Variants in MYO10 observed in about 807,000 individuals in gnomAD.
The protein encoded by MYO10 is myosin X, also known as unconventional myosin-X.
MYO10 carries 133 observed loss-of-function variants against 257.3 expected under a neutral mutation model. That is an observed-to-expected ratio of 0.52 (90% CI 0.45 to 0.60). MYO10 has a LOEUF of 0.60. MYO10 is among the 20% of genes least tolerant of loss of function. MYO10 has a pLI of 0.00. For synonymous variants in MYO10, 1,104 were observed against 1,028.6 expected, an observed-to-expected ratio of 1.07 and a Z score of -1.40; for missense variants, 2,399 against 2,635.7, an observed-to-expected ratio of 0.91 and a Z score of 1.97.
intron 2 of MYO10, among the ~76,000 whole-genome samples, chr5:16,841,067 C>T (rs1039553984): frequency 6.6e-6 from 1 of 151,554 alleles, no homozygotes; most frequent in Non-Finnish European, 1.5e-5. Context: ...ATCGCTAGAA[C>T]CTGGAAAGCG....
chr5:16,684,534 G>A (rs189407404), intron 29 of MYO10, among the ~76,000 whole-genome samples: 168 of 152,314 alleles, frequency 1.1e-3, no homozygotes, highest in Non-Finnish European at 1.6e-3. Context: ...CTGAGCTTCC[G>A]CACCTGGCCC....
chr5:16,676,220 A>G lies in MYO10; in HGVS notation c.4543-66T>C, dbSNP rs1185325864. 106 of 1,576,470 alleles carry G rather than the reference A, an allele frequency of 6.7e-5. 1 individual carries two copies. Among genetic ancestry groups the G allele is most frequent in the Non-Finnish European group, 1.0e-5 (12 of 1,161,726 alleles). On this transcript the variant is annotated intron_variant, in intron 33 of 40. Coordinates refer to ENST00000513610, the MANE Select transcript of MYO10 (RefSeq NM_012334.3). ...TTTTCCTACATATAAATATTTTTCA[A>G]GACTCTCAAATATCCATAAACCTAG...
Position 16,842,050 on chromosome 5 carries a change from C to T in MYO10, c.121-23883G>A, listed in dbSNP as rs1178560102. Among the ~76,000 whole-genome samples the T allele has an allele frequency of 2.0e-5, 3 of 152,006 alleles. No individual in the cohort carries two copies. In the East Asian group the frequency reaches 5.8e-4, roughly 29 times the overall value. On this transcript the variant is annotated intron_variant, in intron 2 of 40. Coordinates refer to ENST00000513610, the MANE Select transcript of MYO10 (RefSeq NM_012334.3). The stretch of plus-strand genomic sequence containing the variant: ...GGTGGGGGCAGTTCCACATAATAGG[C>T]AGAAAAGCAGGTGGCACAGATATTC...
intron 19 of MYO10, among the ~76,000 whole-genome samples, chr5:16,729,787 A>G (rs1182233595): frequency 6.6e-6 from 1 of 152,106 alleles, no homozygotes; most frequent in Non-Finnish European, 1.5e-5. Context: ...ACGCTTTGCT[A>G]AAAGAACTCC....
At chr5:16,762,497 A>T in intron 15 of MYO10, 48 bp downstream of exon 15, 2 of 1,445,242 alleles carry the variant, frequency 1.4e-6, no homozygotes, top group South Asian at 1.2e-5. Flanking sequence ...ATCCCAACCC[A>T]CAGACGTGCT....
Position 16,781,782 on chromosome 5 carries a change from T to G in MYO10, c.650A>C (p.Asn217Thr). 6.2e-7 allele frequency: 1 copy of G among 1,613,636 alleles called. No individual in the cohort carries two copies. The highest frequency in any genetic ancestry group is 8.5e-7 in the Non-Finnish European group (1 of 1,179,786). The change falls in exon 6 of 41, where the codon AAC becomes ACC. Residue 217 changes from asparagine to threonine, a missense_variant. Physicochemically the swap from Asn to Thr is moderately conservative, Grantham distance 65 (BLOSUM62 0). Transcript: ENST00000513610. ...AACAAACTTCCCAAAGCGACTAGAG[T>G]TGTTGTTGTACACGGTCTTCGCATT... Reference protein sequence around the residue: ...FGNAKTVYNNNSSRFGKFVQL... With the variant: ...FGNAKTVYNNTSSRFGKFVQL...
intron 17 of MYO10, among the ~76,000 whole-genome samples, chr5:16,760,550 GTTTTC>G (rs1461834334): frequency 6.6e-6 from 1 of 151,886 alleles, no homozygotes; most frequent in Non-Finnish European, 1.5e-5. Context: ...GTTTCTGTGT[GTTTTC>G]TTTATTGATT....
chr5:16,802,263 C>T (rs1030363581), intron 3 of MYO10, among the ~76,000 whole-genome samples: 23 of 151,982 alleles, frequency 1.5e-4, no homozygotes, highest in African/African-American at 5.1e-4. Flanking sequence ...TGCAGGGTAA[C>T]GTAAATATAC....
chr5:16,863,116 G>A (rs1194761059), intron 2 of MYO10, among the ~76,000 whole-genome samples: 1 of 152,168 alleles, frequency 6.6e-6, no homozygotes, highest in African/African-American at 2.4e-5. Flanking sequence ...CCACTAAGAA[G>A]AAAATCAACA....
At chr5:16,728,658 G>C (rs1275317393) in intron 19 of MYO10, among the ~76,000 whole-genome samples, 1 of 152,182 alleles carries the variant, frequency 6.6e-6, no homozygotes, top group Non-Finnish European at 1.5e-5. Flanking sequence ...CAGTGGGCAA[G>C]ACAAGACTAT....
intron 32 of MYO10, among the ~76,000 whole-genome samples, chr5:16,680,532 G>C (rs75052050): frequency 1.4e-4 from 22 of 152,096 alleles, no homozygotes; most frequent in Non-Finnish European, 2.9e-4. Context: ...GCCTGGCAGT[G>C]TGTGAGTTCA....
chr5:16,816,835 T>TC (rs77759652), intron 3 of MYO10, among the ~76,000 whole-genome samples: 3,529 of 144,460 alleles, frequency 0.024, 86 homozygotes, highest in East Asian at 0.16. Flanking sequence ...GCCTTTTTTT[T>TC]CTGAGACAGA....
At chr5:16,898,755 A>G (rs1191325633) in intron 1 of MYO10, among the ~76,000 whole-genome samples, 2 of 151,946 alleles carry the variant, frequency 1.3e-5, no homozygotes, top group African/African-American at 2.4e-5. Flanking sequence ...GCACATCTCA[A>G]CTTGGAACAG....
intron 37 of MYO10, 96 bp downstream of exon 37, chr5:16,672,593 G>A (rs1017379653): frequency 9.7e-6 from 14 of 1,444,590 alleles, no homozygotes; most frequent in Admixed American, 3.8e-5. Context: ...CCAATACAGC[G>A]TGAAGCCACA....
chr5:16,789,179 GC>G (rs554375724), intron 4 of MYO10, among the ~76,000 whole-genome samples: 16 of 152,228 alleles, frequency 1.1e-4, no homozygotes, highest in Non-Finnish European at 1.8e-4. Flanking sequence ...GGAACACAGT[GC>G]AGGCTGTGCG....
intron 2 of MYO10, among the ~76,000 whole-genome samples, chr5:16,862,459 C>G (rs996758416): frequency 5.9e-5 from 9 of 152,182 alleles, no homozygotes; most frequent in Admixed American, 6.5e-5. Context: ...TGAAATCACA[C>G]CGGCATTAAA....
intron 1 of MYO10, among the ~76,000 whole-genome samples, chr5:16,910,317 C>T (rs1279518330): frequency 6.6e-6 from 1 of 152,082 alleles, no homozygotes. Context: ...GTTTTTGTTT[C>T]TTTTTTCCCT....
chr5:16,822,719 C>G (rs188056268), intron 2 of MYO10, among the ~76,000 whole-genome samples: 2,660 of 150,622 alleles, frequency 0.018, 86 homozygotes, highest in African/African-American at 0.06. Context: ...ACGGAGTCTC[C>G]CTCTGTCGCC....
intron 1 of MYO10, among the ~76,000 whole-genome samples, chr5:16,881,883 A>C (rs192181170): frequency 1.5e-4 from 23 of 152,342 alleles, no homozygotes; most frequent in Middle Eastern, 3.4e-3. Flanking sequence ...ACATTCAGTC[A>C]TTGTTAAATA....
Sources: allele counts gnomAD v4.1 joint callset (sites outside exome capture counted in the v4.1 genomes callset), GRCh38; gene constraint gnomAD v4.1.1; transcripts MANE v1.5; gene names NCBI Gene and HGNC (gene_info 2026-07-23, HGNC 2026-07-21).